PDGFD: variants seen among roughly 807,000 people sequenced by gnomAD.
PDGFD encodes the protein platelet-derived growth factor D.
In PDGFD, 30 loss-of-function variants were observed where a neutral mutation model predicts 44.7. The ratio of observed to expected loss-of-function variants is 0.67; its 90% CI spans 0.50 to 0.91. The LOEUF (loss-of-function observed/expected upper bound fraction) is 0.91. PDGFD is among the 40% of genes least tolerant of loss of function. The probability of loss-of-function intolerance (pLI) is 0.00; values close to 1 mark genes in which losing one functional copy is unlikely to be tolerated. For synonymous variants in PDGFD, 173 were observed against 168.4 expected, an observed-to-expected ratio of 1.03 and a Z score of -0.21; for missense variants, 445 against 457.8, an observed-to-expected ratio of 0.97 and a Z score of 0.25.
At chr11:104,068,809 C>CTT (rs66522706) in intron 1 of PDGFD, among the ~76,000 whole-genome samples, 6 of 151,506 alleles carry the variant, frequency 4.0e-5, no homozygotes, top group African/African-American at 9.7e-5. Context: ...ATTCTTCTCT[C>CTT]TCCCTTTCTC....
At chr11:104,007,865 A>G (rs1003809766) in intron 1 of PDGFD, among the ~76,000 whole-genome samples, 2 of 150,506 alleles carry the variant, frequency 1.3e-5, no homozygotes, top group Non-Finnish European at 3.0e-5. Context: ...GGGATGCAGT[A>G]TAGTTTATAA....
At chr11:104,036,651 G>A in intron 1 of PDGFD, 1 of 618,952 alleles carries the variant, frequency 1.6e-6, no homozygotes. Context: ...CTGAGGCTGG[G>A]AGACAGCCCC....
intron 1 of PDGFD, among the ~76,000 whole-genome samples, chr11:104,068,822 A>G (rs1860831006): frequency 6.6e-6 from 1 of 151,546 alleles, no homozygotes; most frequent in South Asian, 2.1e-4. Context: ...CCTTTCTCAC[A>G]TATGCCTCTG....
At chr11:103,992,397 A>T (rs1190370131) in intron 3 of PDGFD, among the ~76,000 whole-genome samples, 3 of 152,210 alleles carry the variant, frequency 2.0e-5, no homozygotes, top group Non-Finnish European at 4.4e-5. Flanking sequence ...AGGTAGAATT[A>T]TTGTCATCAT....
intron 3 of PDGFD, among the ~76,000 whole-genome samples, chr11:103,961,812 G>T (rs1361194018): frequency 6.6e-6 from 1 of 152,114 alleles, no homozygotes; most frequent in Non-Finnish European, 1.5e-5. Flanking sequence ...CTACATACAG[G>T]AAACAGCCCC....
chr11:104,100,374 T>C (rs1199849099), intron 1 of PDGFD, among the ~76,000 whole-genome samples: 3 of 152,096 alleles, frequency 2.0e-5, no homozygotes, highest in Admixed American at 6.6e-5. Context: ...AAGAAATGGA[T>C]AAATTACTCG....
At chr11:104,021,601 G>T (rs1274930796) in intron 1 of PDGFD, among the ~76,000 whole-genome samples, 4 of 152,152 alleles carry the variant, frequency 2.6e-5, no homozygotes, top group Non-Finnish European at 1.5e-5. Flanking sequence ...TTATGCCAAA[G>T]ATAAAAAACA....
At chr11:104,135,876 G>C (rs1861996360) in intron 1 of PDGFD, among the ~76,000 whole-genome samples, 1 of 152,168 alleles carries the variant, frequency 6.6e-6, no homozygotes, top group African/African-American at 2.4e-5. Flanking sequence ...AGAGGTCTAG[G>C]AATGGGTGGA....
At chr11:104,065,415 T>A (rs1860775359) in intron 1 of PDGFD, among the ~76,000 whole-genome samples, 1 of 152,152 alleles carries the variant, frequency 6.6e-6, no homozygotes, top group Non-Finnish European at 1.5e-5. Flanking sequence ...AAGGTTTGGA[T>A]TTTCTTGAAA....
Position 104,146,236 on chromosome 11 carries a change from T to C in PDGFD, c.124+17568A>G, listed in dbSNP as rs538730618. Among the ~76,000 whole-genome samples, 6 of 152,310 alleles carry C rather than the reference T, an allele frequency of 3.9e-5. No individual in the cohort carries two copies. In the South Asian group the frequency reaches 1.0e-3, roughly 26 times the overall value. Reference sequence around the variant, plus strand: ...CATTTAATTAAATTATGTAATTACATTAACATGTAGGACTGGAAGACATAC... The same window carrying C: ...CATTTAATTAAATTATGTAATTACACTAACATGTAGGACTGGAAGACATAC... On this transcript the variant is annotated intron_variant, in intron 1 of 6. Coordinates refer to ENST00000393158, the MANE Select transcript of PDGFD (RefSeq NM_025208.5).
chr11:103,930,256 T>G (rs1346397534), intron 5 of PDGFD, among the ~76,000 whole-genome samples: 2 of 152,114 alleles, frequency 1.3e-5, no homozygotes, highest in African/African-American at 4.8e-5. Context: ...GGGGCGCACT[T>G]TTCCTTCTGC....
intron 1 of PDGFD, among the ~76,000 whole-genome samples, chr11:104,109,996 T>C (rs1338972105): frequency 1.3e-5 from 2 of 152,120 alleles, no homozygotes; most frequent in Non-Finnish European, 2.9e-5. Flanking sequence ...TCAAATGAGC[T>C]AACCATATTG....
chr11:104,039,404 G>T lies in PDGFD; in HGVS notation c.125-39149C>A, dbSNP rs1038302124. Among the ~76,000 whole-genome samples the T allele has an allele frequency of 1.6e-4, 24 of 151,730 alleles. 1 individual carries two copies. The highest frequency in any genetic ancestry group is 4.6e-4 in the African/African-American group (19 of 41,306). On this transcript the variant is annotated intron_variant, in intron 1 of 6. Coordinates refer to ENST00000393158, the MANE Select transcript of PDGFD (RefSeq NM_025208.5). The stretch of plus-strand genomic sequence containing the variant: ...AAAGCCACATAAAGCATTCCCAAAG[G>T]ATACAGAAAAAAATAACTCTCCCTT...
chr11:103,920,557 T>A (rs1017952218), intron 6 of PDGFD, among the ~76,000 whole-genome samples: 19 of 152,154 alleles, frequency 1.2e-4, no homozygotes, highest in African/African-American at 4.6e-4. Flanking sequence ...TGAAGCTAGA[T>A]TGAGAAGGGA....
intron 1 of PDGFD, among the ~76,000 whole-genome samples, chr11:104,074,033 A>G (rs1192788861): frequency 1.3e-5 from 2 of 152,208 alleles, no homozygotes; most frequent in Non-Finnish European, 2.9e-5. Flanking sequence ...CAGTGGAGCA[A>G]TGGCAAACTT....
At chr11:103,926,789 C>T in intron 6 of PDGFD, 123 bp downstream of exon 6, 1 of 1,015,592 alleles carries the variant, frequency 9.8e-7, no homozygotes, top group Non-Finnish European at 1.4e-6. Context: ...AATTTCTGCT[C>T]CTAATCAAAC....
At chr11:104,060,892 A>T (rs1860703331) in intron 1 of PDGFD, among the ~76,000 whole-genome samples, 1 of 151,982 alleles carries the variant, frequency 6.6e-6, no homozygotes. Flanking sequence ...TTAAGTGTAC[A>T]ACTCAGTGGT....
intron 5 of PDGFD, among the ~76,000 whole-genome samples, chr11:103,933,659 C>T (rs900604526): frequency 6.6e-6 from 1 of 152,206 alleles, no homozygotes; most frequent in Non-Finnish European, 1.5e-5. Flanking sequence ...TGAGCAACTA[C>T]TATGTATCCA....
chr11:104,124,490 C>G (rs757913735), intron 1 of PDGFD, among the ~76,000 whole-genome samples: 1 of 152,046 alleles, frequency 6.6e-6, no homozygotes, highest in Non-Finnish European at 1.5e-5. Flanking sequence ...CTCATCTTCA[C>G]CACGTGTAAA....
Sources: gnomAD v4.1 joint callset for allele counts (sites outside exome capture counted in the v4.1 genomes callset) on GRCh38, gnomAD v4.1.1 for gene constraint, MANE v1.5 for transcripts, NCBI Gene and HGNC (gene_info 2026-07-23, HGNC 2026-07-21) for gene names.